MYO1D: variants seen among roughly 807,000 people sequenced by gnomAD.
MYO1D encodes the protein myosin ID.
MYO1D carries 83 observed loss-of-function variants against 122.0 expected under a neutral mutation model. That is an observed-to-expected ratio of 0.68 (90% confidence interval 0.57 to 0.82). MYO1D has a LOEUF of 0.82. Ranked by LOEUF, MYO1D falls within the 40% of genes least tolerant of loss-of-function variation. The probability of loss-of-function intolerance (pLI) is 0.00; values close to 1 mark genes in which losing one functional copy is unlikely to be tolerated. For synonymous variants in MYO1D, 464 were observed against 446.9 expected (o/e 1.04, Z -0.48); for missense variants, 1,157 against 1,269.5 (o/e 0.91, Z 1.35).
intron 1 of MYO1D, among the ~76,000 whole-genome samples, chr17:32,795,354 C>T (rs560198749): frequency 3.9e-5 from 6 of 152,102 alleles, no homozygotes; most frequent in African/African-American, 1.4e-4. Flanking sequence ...TACTTCATTG[C>T]CCCATTTAAA....
intron 20 of MYO1D, chr17:32,632,475 A>T (rs2088021835): frequency 6.6e-6 from 1 of 151,936 alleles, no homozygotes; most frequent in Admixed American, 6.6e-5. Flanking sequence ...CTGCCGTGTC[A>T]TGAGGTATAT....
intron 21 of MYO1D, among the ~76,000 whole-genome samples, chr17:32,548,854 C>T (rs889874996): frequency 6.6e-6 from 1 of 151,626 alleles, no homozygotes; most frequent in African/African-American, 2.4e-5. Context: ...GCTGGGATTA[C>T]AGGTGTGCAC....
At chr17:32,625,455 T>C (rs561560789) in intron 20 of MYO1D, among the ~76,000 whole-genome samples, 1 of 152,160 alleles carries the variant, frequency 6.6e-6, no homozygotes, top group African/African-American at 2.4e-5. Context: ...CTGGGATTCT[T>C]ACAGTGATTG....
chr17:32,659,104 C>G lies in MYO1D; in HGVS notation c.2345+11G>C. ...CATAAATGGATGCAGCACACAGCAG[C>G]ACGTTCTTACCTATTGAAAATCGTC... On this transcript the variant is annotated intron_variant, in intron 17 of 21. Transcript: ENST00000318217. The G allele has an allele frequency of 6.2e-7, 1 of 1,610,798 alleles. No homozygotes were observed. Among genetic ancestry groups the G allele is most frequent in the Non-Finnish European group, 8.5e-7 (1 of 1,177,116 alleles).
chr17:32,560,705 C>T lies in MYO1D; in HGVS notation c.2864+44382G>A, dbSNP rs543235295. The stretch of plus-strand genomic sequence containing the variant: ...CAAAATCTCAACTCTCTGCAACCTC[C>T]GCCTCTCGGGTTCAAGTGATTCTCC... On this transcript the variant is annotated intron_variant, in intron 21 of 21. Transcript: ENST00000318217. Among the ~76,000 whole-genome samples, 25 of 150,912 alleles carry T rather than the reference C, an allele frequency of 1.7e-4. No homozygotes were observed. In the South Asian group the frequency reaches 1.9e-3, roughly 11 times the overall value.
intron 21 of MYO1D, among the ~76,000 whole-genome samples, chr17:32,542,216 C>A (rs539765486): frequency 2.0e-5 from 3 of 152,082 alleles, no homozygotes; most frequent in Non-Finnish European, 4.4e-5. Flanking sequence ...AAATAACCAC[C>A]GGGCCGACAG....
intron 7 of MYO1D, among the ~76,000 whole-genome samples, chr17:32,766,167 G>A (rs2090054470): frequency 6.6e-6 from 1 of 152,116 alleles, no homozygotes; most frequent in African/African-American, 2.4e-5. Flanking sequence ...GATTACAGGT[G>A]TGAGCAACCC....
At chr17:32,801,511 A>G (rs2090461056) in intron 1 of MYO1D, among the ~76,000 whole-genome samples, 9 of 152,144 alleles carry the variant, frequency 5.9e-5, no homozygotes, top group Admixed American at 5.9e-4. Context: ...TTGGTGACAT[A>G]CAGGAAAACT....
chr17:32,680,961 C>T (rs1361513533), intron 16 of MYO1D, among the ~76,000 whole-genome samples: 6 of 152,128 alleles, frequency 3.9e-5, no homozygotes, highest in African/African-American at 1.2e-4. Flanking sequence ...GATTCAACTT[C>T]TTCCTGGTTT....
chr17:32,643,428 C>T (rs2088234453), intron 19 of MYO1D, among the ~76,000 whole-genome samples: 1 of 152,174 alleles, frequency 6.6e-6, no homozygotes, highest in Admixed American at 6.5e-5. Flanking sequence ...CAGGATGATG[C>T]TGGCCTCATA....
intron 1 of MYO1D, among the ~76,000 whole-genome samples, chr17:32,855,857 T>C (rs1010832310): frequency 3.3e-5 from 5 of 152,180 alleles, no homozygotes; most frequent in South Asian, 2.1e-4. Context: ...TTGGATGAGG[T>C]TGTCTGAAGC....
chr17:32,735,141 C>G (rs2089685713), intron 14 of MYO1D, among the ~76,000 whole-genome samples: 1 of 150,300 alleles, frequency 6.7e-6, no homozygotes, highest in Non-Finnish European at 1.5e-5. Context: ...AAATGGTTTC[C>G]TTTGTCATCT....
At chr17:32,613,488 A>G (rs916667227) in intron 20 of MYO1D, among the ~76,000 whole-genome samples, 3 of 152,110 alleles carry the variant, frequency 2.0e-5, no homozygotes, top group Non-Finnish European at 4.4e-5. Context: ...GAAATACCTC[A>G]ATATAGGCCA....
chr17:32,821,712 ACTC>A, intron 1 of MYO1D, among the ~76,000 whole-genome samples: 1 of 152,098 alleles, frequency 6.6e-6, no homozygotes. Flanking sequence ...TCAGGGAAAA[ACTC>A]CTTTTACTTA....
chr17:32,562,139 T>C (rs1313678056), intron 21 of MYO1D, among the ~76,000 whole-genome samples: 2 of 152,092 alleles, frequency 1.3e-5, no homozygotes, highest in Non-Finnish European at 2.9e-5. Flanking sequence ...TACAGGTGCA[T>C]GCCACCACGC....
intron 1 of MYO1D, among the ~76,000 whole-genome samples, chr17:32,842,164 G>A (rs1328319739): frequency 2.0e-5 from 3 of 152,086 alleles, no homozygotes; most frequent in Non-Finnish European, 2.9e-5. Flanking sequence ...GCCAGGTGAC[G>A]GTCCCTGAAG....
chr17:32,872,779 C>T (rs2091193073), intron 1 of MYO1D, among the ~76,000 whole-genome samples: 1 of 150,978 alleles, frequency 6.6e-6, no homozygotes, highest in Admixed American at 6.6e-5. Context: ...TCACTGCAAG[C>T]TCCGCTTCCC....
chr17:32,866,577 C>T (rs2091126585), intron 1 of MYO1D, among the ~76,000 whole-genome samples: 1 of 152,228 alleles, frequency 6.6e-6, no homozygotes, highest in Non-Finnish European at 1.5e-5. Context: ...AAGAAATTAA[C>T]CAGACTGAGC....
chr17:32,595,004 T>A lies in MYO1D; in HGVS notation c.2864+10083A>T, dbSNP rs150860807. Reference sequence around the variant, plus strand: ...CAGCATTCAACATACTCATGGCTCTTCCAGCCCACAGCCCTTTTAGTTGCT... The same window carrying A: ...CAGCATTCAACATACTCATGGCTCTACCAGCCCACAGCCCTTTTAGTTGCT... On this transcript the variant is annotated intron_variant, in intron 21 of 21. Coordinates refer to ENST00000318217, the MANE Select transcript of MYO1D (RefSeq NM_015194.3). 6.7e-3 allele frequency among the ~76,000 whole-genome samples: 1,021 copies of A among 152,302 alleles called. 8 individuals are homozygous for A. Among genetic ancestry groups the A allele is most frequent in the South Asian group, 0.022 (106 of 4,814 alleles).
Sources: gnomAD v4.1 joint callset for allele counts (sites outside exome capture counted in the v4.1 genomes callset) on GRCh38, gnomAD v4.1.1 for gene constraint, MANE v1.5 for transcripts, NCBI Gene and HGNC (gene_info 2026-07-23, HGNC 2026-07-21) for gene names.